Variants in FGF13 observed in about 807,000 individuals in gnomAD.
FGF13 encodes fibroblast growth factor 13.
In FGF13, 2 loss-of-function variants were observed where a neutral mutation model predicts 19.5. The ratio of observed to expected loss-of-function variants is 0.10; its 90% CI spans 0.04 to 0.32. FGF13 has a LOEUF of 0.32. FGF13 is among the 10% of genes least tolerant of loss of function. FGF13 has a pLI of 1.00. For missense variants in FGF13, 113 were observed against 192.7 expected, an observed-to-expected ratio of 0.59 and a Z score of 2.45; for synonymous variants, 72 against 76.9, an observed-to-expected ratio of 0.94 and a Z score of 0.33.
intron 1 of FGF13, among the ~76,000 whole-genome samples, chrX:138,989,745 A>T (rs1240273733): frequency 1.4e-5 from 1 of 71,441 alleles, no homozygotes; most frequent in Non-Finnish European, 2.8e-5. Context: ...ATAATTTACT[A>T]TTAACTGAAA....
chrX:138,824,454 G>A (rs975024737), intron 3 of FGF13, among the ~76,000 whole-genome samples: 2 of 111,731 alleles, frequency 1.8e-5, no homozygotes, highest in African/African-American at 6.5e-5. Context: ...CTACTCACTT[G>A]TCAGGGCAAA....
intron 3 of FGF13, among the ~76,000 whole-genome samples, chrX:138,697,310 T>A (rs891378767): frequency 7.2e-5 from 8 of 110,941 alleles, no homozygotes; most frequent in Non-Finnish European, 1.5e-4. Flanking sequence ...AAACGGTAAA[T>A]TTAAGGTATG....
chrX:138,776,360 A>T (rs763762863), intron 3 of FGF13, among the ~76,000 whole-genome samples: 4 of 112,412 alleles, frequency 3.6e-5, no homozygotes, highest in Non-Finnish European at 7.5e-5. Flanking sequence ...TCTCGTAAGA[A>T]CCTTACGAGA....
intron 1 of FGF13, among the ~76,000 whole-genome samples, chrX:138,911,492 T>A (rs1020903972): frequency 9.1e-6 from 1 of 110,070 alleles, no homozygotes; most frequent in Middle Eastern, 4.7e-3. Flanking sequence ...GGGAGAAGAT[T>A]AGGAAAAATA....
At chrX:138,705,443 A>G (rs1264433460) in intron 2 of FGF13, among the ~76,000 whole-genome samples, 1 of 112,071 alleles carries the variant, frequency 8.9e-6, no homozygotes, top group Non-Finnish European at 1.9e-5. Context: ...TCAGCAGTAC[A>G]TTCCTGTGAT....
intron 1 of FGF13, among the ~76,000 whole-genome samples, chrX:139,059,959 T>C (rs145409697): frequency 1.8e-5 from 2 of 111,901 alleles, no homozygotes; most frequent in African/African-American, 6.5e-5. Context: ...TGTTGCCACA[T>C]GCTGTCCAAG....
intron 1 of FGF13, among the ~76,000 whole-genome samples, chrX:139,022,986 C>T (rs1420225929): frequency 3.6e-5 from 4 of 111,431 alleles, no homozygotes; most frequent in Admixed American, 1.9e-4. Context: ...TTATTAGACC[C>T]ATACTACAGA....
chrX:138,877,121 G>C (rs1188784530), intron 1 of FGF13, among the ~76,000 whole-genome samples: 1 of 111,159 alleles, frequency 9.0e-6, no homozygotes, highest in Non-Finnish European at 1.9e-5. Flanking sequence ...TCAGGGGGTG[G>C]TGGGGGGTGA....
intron 3 of FGF13, among the ~76,000 whole-genome samples, chrX:138,803,644 C>A (rs1200725706): frequency 8.9e-6 from 1 of 111,990 alleles, no homozygotes; most frequent in Admixed American, 9.5e-5. Flanking sequence ...ACATCTGAGC[C>A]CCAGAGTGTG....
intron 1 of FGF13, among the ~76,000 whole-genome samples, chrX:139,153,123 T>C (rs1756285633): frequency 9.0e-6 from 1 of 111,474 alleles, no homozygotes; most frequent in South Asian, 3.8e-4. Context: ...CAATAAAAAG[T>C]ATTGATCAGA....
At chrX:138,818,499 GACACACACACACACACACAC>G (rs371760908) in intron 3 of FGF13, among the ~76,000 whole-genome samples, 4 of 84,788 alleles carry the variant, frequency 4.7e-5, no homozygotes, top group Admixed American at 2.8e-4. Context: ...TATATGCACA[GACACACACACACACACACAC>G]ACACACACAC....
At chrX:139,069,120 C>T (rs1469202040) in intron 1 of FGF13, among the ~76,000 whole-genome samples, 2 of 101,878 alleles carry the variant, frequency 2.0e-5, no homozygotes, top group Non-Finnish European at 4.0e-5. Context: ...TGGGTATATA[C>T]CCAAAGGACT....
At chrX:138,793,787 A>G (rs1241928694) in intron 3 of FGF13, among the ~76,000 whole-genome samples, 1 of 112,128 alleles carries the variant, frequency 8.9e-6, no homozygotes, top group Non-Finnish European at 1.9e-5. Flanking sequence ...TTGAGCTAAC[A>G]TGACTAGAAG....
upstream of FGF13, among the ~76,000 whole-genome samples, chrX:138,713,605 C>G (rs2090074918): frequency 9.0e-6 from 1 of 111,661 alleles, no homozygotes; most frequent in Admixed American, 9.4e-5. Flanking sequence ...GGGGATAGAC[C>G]TTAGAAGAAG....
At chrX:138,978,400 T>C (rs1197579271) in intron 1 of FGF13, among the ~76,000 whole-genome samples, 4 of 109,155 alleles carry the variant, frequency 3.7e-5, no homozygotes, top group South Asian at 4.1e-4. Context: ...GTAGCTGGGA[T>C]CACAGGCGCC....
intron 1 of FGF13, among the ~76,000 whole-genome samples, chrX:138,959,683 T>A: frequency 8.9e-6 from 1 of 111,744 alleles, no homozygotes; most frequent in Non-Finnish European, 1.9e-5. Flanking sequence ...TCTAAGGACT[T>A]GCTTTATGAA....
intron 2 of FGF13, among the ~76,000 whole-genome samples, chrX:138,707,637 T>C (rs17510102): frequency 0.032 from 3,546 of 112,224 alleles, 123 homozygotes; most frequent in African/African-American, 0.1. Context: ...AACTAGGATT[T>C]ACTATAAAAC....
intron 3 of FGF13, among the ~76,000 whole-genome samples, chrX:138,681,266 T>TAGCTTCTGTTATCAGCACTTGCTGC (rs1365385488): frequency 8.9e-6 from 1 of 112,409 alleles, no homozygotes; most frequent in Non-Finnish European, 1.9e-5. Context: ...TAACTTGCTG[T>TAGCTTCTGTTATCAGCACTTGCTGC]AGCTTCTGTT....
intron 1 of FGF13, among the ~76,000 whole-genome samples, chrX:138,901,801 T>A (rs1231419817): frequency 8.9e-6 from 1 of 111,778 alleles, no homozygotes; most frequent in Non-Finnish European, 1.9e-5. Flanking sequence ...TTATAAAAAC[T>A]TCACTAAAAG....
Sources: gnomAD v4.1 joint callset for allele counts (sites outside exome capture counted in the v4.1 genomes callset) on GRCh38, gnomAD v4.1.1 for gene constraint, MANE v1.5 for transcripts, NCBI Gene and HGNC (gene_info 2026-07-23, HGNC 2026-07-21) for gene names.